The following RGS20 variants were observed in gnomAD, a reference collection of about 807,000 sequenced individuals.
RGS20 encodes regulator of G protein signaling 20.
Under a neutral mutation model 33.6 loss-of-function variants are expected in RGS20, and 30 were observed. The ratio of observed to expected loss-of-function variants is 0.89; its 90% CI spans 0.67 to 1.21. The LOEUF is 1.21. Ranked by LOEUF, RGS20 falls within the 50% of genes most tolerant of loss-of-function variation. The probability of loss-of-function intolerance (pLI) is 0.00; values close to 1 mark genes in which losing one functional copy is unlikely to be tolerated. For synonymous variants in RGS20, 208 were observed against 197.9 expected, an observed-to-expected ratio of 1.05 and a Z score of -0.43; for missense variants, 472 against 502.4, an observed-to-expected ratio of 0.94 and a Z score of 0.58.
At chr8:53,933,083 C>A (rs2129289086) in intron 2 of RGS20, among the ~76,000 whole-genome samples, 1 of 152,240 alleles carries the variant, frequency 6.6e-6, no homozygotes, top group Middle Eastern at 3.4e-3. Context: ...AAAAGGACGT[C>A]CACACAGAAA....
In RGS20 at chr8:53,920,446, T is replaced by A. The variant is rs144334848; in HGVS notation, c.511-19130T>A. On this transcript the variant is annotated intron_variant, in intron 2 of 5. Transcript: ENST00000297313. ...TTTTTAGTGGAATTCTTAGGATTTT[T>A]AAATAAGCAAGATCATGTCATTTGC... Among the ~76,000 whole-genome samples, 172 of 152,332 alleles carry A rather than the reference T, an allele frequency of 1.1e-3. 1 individual carries two copies. Among genetic ancestry groups the A allele is most frequent in the African/African-American group, 3.9e-3 (164 of 41,584 alleles).
chr8:53,891,153 C>T (rs1054428010), intron 2 of RGS20, among the ~76,000 whole-genome samples: 7 of 152,088 alleles, frequency 4.6e-5, no homozygotes, highest in African/African-American at 1.4e-4. Context: ...CTTGTGCTAA[C>T]GGTCAGCAAA....
intron 5 of RGS20, among the ~76,000 whole-genome samples, chr8:53,954,834 C>G (rs1472338358): frequency 6.6e-6 from 1 of 150,536 alleles, no homozygotes; most frequent in African/African-American, 2.4e-5. Context: ...ATTATAGGTG[C>G]GCACCACCAG....
Position 53,877,371 on chromosome 8 carries a change from C to G in RGS20, c.166-1887C>G, listed in dbSNP as rs1271098654. On this transcript the variant is annotated intron_variant, in intron 1 of 5. Transcript: ENST00000297313. The surrounding 1 kb of genome is among the most constrained non-coding windows in gnomAD (Gnocchi z 5.7). ...TGGGGCGCAGACGCGGCCGCCGGCC[C>G]GCAGTCCCCCGCAGGTGCCGCCCAG... Among the ~76,000 whole-genome samples, 1 of 152,174 alleles carries G rather than the reference C, an allele frequency of 6.6e-6. No homozygotes were observed. Among genetic ancestry groups the G allele is most frequent in the Non-Finnish European group, 1.5e-5 (1 of 68,026 alleles).
chr8:53,947,768 T>C (rs995486270), intron 4 of RGS20, among the ~76,000 whole-genome samples: 1 of 114,916 alleles, frequency 8.7e-6, no homozygotes, highest in Non-Finnish European at 1.9e-5. Flanking sequence ...ATATATGCTA[T>C]ATATAGGATA....
intron 2 of RGS20, among the ~76,000 whole-genome samples, chr8:53,895,562 G>A (rs781638316): frequency 2.0e-5 from 3 of 152,058 alleles, no homozygotes; most frequent in Non-Finnish European, 2.9e-5. Flanking sequence ...TATGACAGGG[G>A]TCAGCAAACA....
At chr8:53,888,111 G>C (rs1812600842) in intron 2 of RGS20, among the ~76,000 whole-genome samples, 1 of 152,100 alleles carries the variant, frequency 6.6e-6, no homozygotes, top group South Asian at 2.1e-4. Flanking sequence ...TGACTACCCA[G>C]ATATAATTCA....
At chr8:53,937,149 G>T (rs552582518) in intron 2 of RGS20, among the ~76,000 whole-genome samples, 1 of 152,050 alleles carries the variant, frequency 6.6e-6, no homozygotes, top group African/African-American at 2.4e-5. Context: ...CGTGGAGTTG[G>T]GGGGAGAGGG....
intron 2 of RGS20, among the ~76,000 whole-genome samples, chr8:53,916,647 G>A (rs1441850657): frequency 6.6e-6 from 1 of 152,116 alleles, no homozygotes; most frequent in Non-Finnish European, 1.5e-5. Context: ...GTTTACCATG[G>A]TATTTCTAGT....
At chr8:53,856,683 A>G (rs1294746045) in intron 1 of RGS20, among the ~76,000 whole-genome samples, 1 of 152,138 alleles carries the variant, frequency 6.6e-6, no homozygotes, top group Non-Finnish European at 1.5e-5. Flanking sequence ...GTCAATATAG[A>G]TATATATGTT....
chr8:53,910,416 G>A (rs1046363028), intron 2 of RGS20, among the ~76,000 whole-genome samples: 3 of 131,812 alleles, frequency 2.3e-5, no homozygotes, highest in Admixed American at 6.9e-5. Flanking sequence ...TATTAAAATC[G>A]CCAGGAAAAA....
At chr8:53,928,779 C>T (rs946154210) in intron 2 of RGS20, among the ~76,000 whole-genome samples, 2 of 151,514 alleles carry the variant, frequency 1.3e-5, no homozygotes, top group African/African-American at 4.9e-5. Flanking sequence ...GCTGAGATCA[C>T]ACCATTGCAC....
At chr8:53,879,950 C>T (rs897992171) in intron 2 of RGS20, 2 of 266,900 alleles carry the variant, frequency 7.5e-6, no homozygotes, top group African/African-American at 4.4e-5. Context: ...CCCAAACGCG[C>T]CTCCGCCTGC....
At chr8:53,918,170 AT>A (rs1349443206) in intron 2 of RGS20, among the ~76,000 whole-genome samples, 2 of 152,174 alleles carry the variant, frequency 1.3e-5, no homozygotes, top group Non-Finnish European at 2.9e-5. Context: ...TTGTGCAACA[AT>A]CACCACTAAT....
chr8:53,859,771 C>G (rs1366023320), intron 1 of RGS20, among the ~76,000 whole-genome samples: 1 of 152,126 alleles, frequency 6.6e-6, no homozygotes, highest in Admixed American at 6.6e-5. Context: ...AAAGGAGGAG[C>G]AAAGGCATGT....
intron 1 of RGS20, among the ~76,000 whole-genome samples, chr8:53,871,885 A>C (rs1812078137): frequency 6.6e-6 from 1 of 152,046 alleles, no homozygotes. Context: ...AGTAGCTTTA[A>C]ATACCTTTGT....
chr8:53,879,145 T>A, intron 1 of RGS20: 1 of 823,940 alleles, frequency 1.2e-6, no homozygotes, highest in Admixed American at 2.2e-5. Flanking sequence ...TTCACCGACC[T>A]TCTCTTGCAC....
At chr8:53,858,667 A>T (rs769519580) in intron 1 of RGS20, among the ~76,000 whole-genome samples, 4 of 152,092 alleles carry the variant, frequency 2.6e-5, no homozygotes, top group Non-Finnish European at 1.5e-5. Context: ...GGGAAGAGTG[A>T]AAAGGGCGAT....
Position 53,855,702 on chromosome 8 carries a change from G to A in RGS20, c.165+3638G>A, listed in dbSNP as rs118187383. Among the ~76,000 whole-genome samples, 11 of 152,288 alleles carry A rather than the reference G, an allele frequency of 7.2e-5. No homozygotes were observed. The East Asian group carries it at 2.1e-3, about 29-fold the overall frequency. Reference sequence around the variant, plus strand: ...GAGGGAAACTGGGTGATCAGTACACGGGACCACTCTGTACATTCTGTGCAC... The same window carrying A: ...GAGGGAAACTGGGTGATCAGTACACAGGACCACTCTGTACATTCTGTGCAC... On this transcript the variant is annotated intron_variant, in intron 1 of 5. Transcript: ENST00000297313.
Sources: gnomAD v4.1 joint callset for allele counts (sites outside exome capture counted in the v4.1 genomes callset) on GRCh38, gnomAD v4.1.1 for gene constraint, Gnocchi (gnomAD v3.1) non-coding constraint, MANE v1.5 for transcripts, NCBI Gene and HGNC (gene_info 2026-07-23, HGNC 2026-07-21) for gene names.